The following VGLL4 variants were observed in gnomAD, a reference collection of about 807,000 sequenced individuals.
VGLL4 encodes vestigial like family member 4.
VGLL4 carries 7 observed loss-of-function variants against 21.0 expected under a neutral mutation model. The ratio of observed to expected loss-of-function variants is 0.33; its 90% confidence interval spans 0.19 to 0.63. VGLL4 has a LOEUF of 0.63. VGLL4 is among the 20% of genes least tolerant of loss of function. The probability of loss-of-function intolerance (pLI) is 0.78; values close to 1 mark genes in which losing one functional copy is unlikely to be tolerated. For synonymous variants in VGLL4, 222 were observed against 173.2 expected (o/e 1.28, Z -2.21); for missense variants, 394 against 425.7 (o/e 0.93, Z 0.66).
At chr3:11,652,802 TTTAAC>T (rs1215026350) in intron 2 of VGLL4, among the ~76,000 whole-genome samples, 2 of 152,204 alleles carry the variant, frequency 1.3e-5, no homozygotes, top group African/African-American at 2.4e-5. Flanking sequence ...TGCAAAACAC[TTTAAC>T]TTGTTAGTTT....
chr3:11,591,829 C>T (rs2345340), intron 2 of VGLL4, among the ~76,000 whole-genome samples: 120,427 of 152,210 alleles, frequency 0.79, 48,225 homozygotes, highest in Non-Finnish European at 0.86. Context: ...TCCTCGGTGA[C>T]GATCCTCCCT....
chr3:11,590,496 A>C (rs2074462493), intron 2 of VGLL4, among the ~76,000 whole-genome samples: 1 of 152,200 alleles, frequency 6.6e-6, no homozygotes, highest in African/African-American at 2.4e-5. Flanking sequence ...GCTTCCTTCT[A>C]TTCTGCAGTA....
chr3:11,568,546 A>G lies in VGLL4; in HGVS notation c.273-3527T>C. 2.6e-6 allele frequency: 4 copies of G among 1,550,320 alleles called. No individual in the cohort carries two copies. The highest frequency in any genetic ancestry group is 3.5e-6 in the Non-Finnish European group (4 of 1,145,174). The stretch of plus-strand genomic sequence containing the variant: ...TGGGTCAGACAAAGACACTGAAAAC[A>G]GCGAGAAAAGGCCTGGAGAACTGGC... On this transcript the variant is annotated intron_variant, in intron 2 of 4. Coordinates refer to ENST00000430365, the MANE Select transcript of VGLL4 (RefSeq NM_001128219.3). The surrounding 1 kb of genome is among the most constrained non-coding windows in gnomAD (Gnocchi z 5.9).
At chr3:11,574,659 A>C (rs564099358) in intron 2 of VGLL4, among the ~76,000 whole-genome samples, 1 of 152,208 alleles carries the variant, frequency 6.6e-6, no homozygotes, top group Non-Finnish European at 1.5e-5. Flanking sequence ...GGATGTTCCC[A>C]GCACAAAGAA....
At chr3:11,707,484 C>T (rs534296966) in intron 1 of VGLL4, among the ~76,000 whole-genome samples, 11 of 150,630 alleles carry the variant, frequency 7.3e-5, no homozygotes, top group South Asian at 2.1e-4. Flanking sequence ...ACATGAGGGA[C>T]GGGGACCAAG....
At chr3:11,621,255 A>C (rs953302945) in intron 1 of VGLL4, among the ~76,000 whole-genome samples, 5 of 152,186 alleles carry the variant, frequency 3.3e-5, no homozygotes, top group African/African-American at 1.2e-4. Context: ...GCTGTGCAAC[A>C]ATCACCATGA....
chr3:11,600,505 G>A (rs962230501), intron 2 of VGLL4, among the ~76,000 whole-genome samples: 9 of 152,232 alleles, frequency 5.9e-5, no homozygotes, highest in African/African-American at 2.2e-4. Context: ...TGCCTGCGGA[G>A]TGCACTGTTT....
chr3:11,653,640 A>G lies in VGLL4; in HGVS notation c.64+49331T>C, dbSNP rs2075912037. On this transcript the variant is annotated intron_variant, in intron 2 of 5. Coordinates refer to the VGLL4 transcript ENST00000273038. The surrounding 1 kb of genome is among the most constrained non-coding windows in gnomAD (Gnocchi z 4.2). Reference sequence around the variant, plus strand: ...GCCTCGGAATGCATTTCTGTCGCACATGTACTCAGAAGCAGATACGCAGAA... The same window carrying G: ...GCCTCGGAATGCATTTCTGTCGCACGTGTACTCAGAAGCAGATACGCAGAA... Among the ~76,000 whole-genome samples, 1 of 152,210 alleles carries G rather than the reference A, an allele frequency of 6.6e-6. No individual in the cohort carries two copies.
chr3:11,599,015 G>A (rs765450881), intron 2 of VGLL4, among the ~76,000 whole-genome samples: 6 of 152,128 alleles, frequency 3.9e-5, no homozygotes, highest in Admixed American at 6.5e-5. Flanking sequence ...ATATAAAGGA[G>A]GGAGCATGCT....
chr3:11,607,986 G>C (rs2074982462), intron 1 of VGLL4, among the ~76,000 whole-genome samples: 1 of 152,166 alleles, frequency 6.6e-6, no homozygotes, highest in Admixed American at 6.5e-5. Context: ...ATGATGAAAT[G>C]TATACAGACC....
At chr3:11,664,770 G>C (rs111392928) in intron 2 of VGLL4, among the ~76,000 whole-genome samples, 79 of 152,298 alleles carry the variant, frequency 5.2e-4, no homozygotes, top group Non-Finnish European at 8.1e-4. Flanking sequence ...GGACACATAA[G>C]AGCTATAGTA....
chr3:11,601,256 G>A (rs2074789468), intron 2 of VGLL4, among the ~76,000 whole-genome samples: 1 of 152,228 alleles, frequency 6.6e-6, no homozygotes, highest in Admixed American at 6.5e-5. Context: ...GGCAGATCAA[G>A]GACTGGCTGG....
intron 1 of VGLL4, among the ~76,000 whole-genome samples, chr3:11,632,539 T>A (rs1387656846): frequency 1.3e-5 from 2 of 152,170 alleles, no homozygotes; most frequent in Non-Finnish European, 2.9e-5. Flanking sequence ...CTCCTAAGAT[T>A]CCAAAGAAAT....
chr3:11,567,860 A>G (rs1001809039), intron 2 of VGLL4, among the ~76,000 whole-genome samples: 1 of 152,206 alleles, frequency 6.6e-6, no homozygotes, highest in African/African-American at 2.4e-5. Flanking sequence ...ACATGAGTGA[A>G]TGGCTTCTCT....
intron 2 of VGLL4, among the ~76,000 whole-genome samples, chr3:11,681,199 A>G (rs9865346): frequency 0.53 from 79,906 of 151,768 alleles, 22,162 homozygotes; most frequent in Non-Finnish European, 0.63. Flanking sequence ...CTGGGTTCAC[A>G]CCATTCTCCT....
chr3:11,563,913 C>A (rs2073272475), intron 3 of VGLL4, among the ~76,000 whole-genome samples: 2 of 152,208 alleles, frequency 1.3e-5, no homozygotes, highest in African/African-American at 4.8e-5. Flanking sequence ...TTTCAACAGA[C>A]CCCATCAGAC....
In VGLL4 at chr3:11,619,489, A is replaced by T. The variant is rs1575460284; in HGVS notation, c.83-17467T>A. Among the ~76,000 whole-genome samples, 5 of 152,344 alleles carry T rather than the reference A, an allele frequency of 3.3e-5. No homozygotes were observed. The East Asian group carries it at 9.6e-4, about 29-fold the overall frequency. On this transcript the variant is annotated intron_variant, in intron 1 of 4. Transcript: ENST00000430365. ...AATTACATGTTAACAGTTTTTCCTT[A>T]TGCCCTAGGGTGTGTAATGCAATGA...
chr3:11,588,297 C>T (rs1485600290), intron 2 of VGLL4, among the ~76,000 whole-genome samples: 1 of 152,202 alleles, frequency 6.6e-6, no homozygotes, highest in African/African-American at 2.4e-5. Flanking sequence ...CAGCTGGACA[C>T]CCAACTGTAG....
chr3:11,633,335 A>G (rs1193026259), intron 1 of VGLL4: 2 of 152,200 alleles, frequency 1.3e-5, no homozygotes, highest in African/African-American at 4.8e-5. Flanking sequence ...AGAAGTATGC[A>G]CAGCATGCCA....
Sources: allele counts gnomAD v4.1 joint callset (sites outside exome capture counted in the v4.1 genomes callset), GRCh38; gene constraint gnomAD v4.1.1; non-coding constraint Gnocchi (gnomAD v3.1); transcripts MANE v1.5; gene names NCBI Gene and HGNC (gene_info 2026-07-23, HGNC 2026-07-21).